CNTNAP2: variants seen among roughly 807,000 people sequenced by gnomAD.
CNTNAP2 encodes the protein contactin associated protein 2.
In CNTNAP2, 98 loss-of-function variants were observed where a neutral mutation model predicts 155.2. That is an observed-to-expected ratio of 0.63 (90% CI 0.54 to 0.75). CNTNAP2 has a LOEUF of 0.75. Ranked by LOEUF, CNTNAP2 falls within the 30% of genes least tolerant of loss-of-function variation. CNTNAP2 has a pLI of 0.00. For missense variants in CNTNAP2, 1,727 were observed against 1,688.1 expected (o/e 1.02, Z -0.40); for synonymous variants, 651 against 631.2 (o/e 1.03, Z -0.47).
chr7:146,263,278 GAA>G (rs200626668), intron 1 of CNTNAP2, among the ~76,000 whole-genome samples: 2,800 of 144,954 alleles, frequency 0.019, 111 homozygotes, highest in African/African-American at 0.076. Context: ...AGGGAGGGAG[GAA>G]GGAAGGAAGG....
At chr7:147,825,604 T>C (rs1798434014) in intron 13 of CNTNAP2, among the ~76,000 whole-genome samples, 1 of 152,180 alleles carries the variant, frequency 6.6e-6, no homozygotes, top group Non-Finnish European at 1.5e-5. Context: ...GACATAACAT[T>C]TCTGTTGAGA....
chr7:148,111,289 A>T (rs967029655), intron 15 of CNTNAP2, among the ~76,000 whole-genome samples: 10 of 152,238 alleles, frequency 6.6e-5, no homozygotes, highest in African/African-American at 2.4e-4. Context: ...GAGAAAGCAG[A>T]AGAAAACTTT....
chr7:147,408,535 C>T (rs948381057), intron 10 of CNTNAP2, among the ~76,000 whole-genome samples: 19 of 152,202 alleles, frequency 1.2e-4, no homozygotes, highest in South Asian at 6.2e-4. Flanking sequence ...CTGACGCGGG[C>T]GGATCACGAG....
At chr7:147,037,484 G>A (rs1799176691) in intron 3 of CNTNAP2, among the ~76,000 whole-genome samples, 1 of 134,196 alleles carries the variant, frequency 7.5e-6, no homozygotes, top group Non-Finnish European at 1.6e-5. Flanking sequence ...TTATTGAGAT[G>A]GAGTTTCGCT....
At chr7:148,375,439 A>G (rs2116647485) in intron 21 of CNTNAP2, among the ~76,000 whole-genome samples, 1 of 150,254 alleles carries the variant, frequency 6.7e-6, no homozygotes, top group South Asian at 2.1e-4. Context: ...GGCTCACTGC[A>G]ACCTCTGCCT....
intron 13 of CNTNAP2, among the ~76,000 whole-genome samples, chr7:147,737,713 A>T (rs916060206): frequency 1.3e-5 from 2 of 152,146 alleles, no homozygotes; most frequent in Non-Finnish European, 2.9e-5. Flanking sequence ...AAGCCTCAGC[A>T]ATGGCGGGCA....
Position 148,135,973 on chromosome 7 carries a change from G to GAGGAAGGAAGGA in CNTNAP2, c.2555-11482_2555-11471dup, listed in dbSNP as rs1186076177. Among the ~76,000 whole-genome samples the GAGGAAGGAAGGA allele has an allele frequency of 1.2e-3, 49 of 40,176 alleles. 1 individual carries two copies. The highest frequency in any genetic ancestry group is 3.6e-3 in the African/African-American group (25 of 6,908). The allele number at this position is 40,176 out of a possible 152,430, so 26.4% of individuals were successfully genotyped here. ...AAACAAACCACATTGGGAAGAGAGG[G>GAGGAAGGAAGGA]AGGAAGGAAGGAAGGAAGGAAGGAA... On this transcript the variant is annotated intron_variant, in intron 16 of 23. Coordinates refer to ENST00000361727, the MANE Select transcript of CNTNAP2 (RefSeq NM_014141.6).
intron 21 of CNTNAP2, among the ~76,000 whole-genome samples, chr7:148,284,898 C>G (rs1797054006): frequency 6.6e-6 from 1 of 152,176 alleles, no homozygotes; most frequent in African/African-American, 2.4e-5. Flanking sequence ...GCAGATTTGG[C>G]CCAATAAGTC....
chr7:147,639,986 A>C lies in CNTNAP2; in HGVS notation c.2098+680A>C, dbSNP rs1280831804. On this transcript the variant is annotated intron_variant, in intron 13 of 23. Transcript: ENST00000361727. Reference sequence around the variant, plus strand: ...AGTAAATTCGAGATGTTGTCAGAAAACTGCATCTCTGTGTCTGTAGTAAAA... The same window carrying C: ...AGTAAATTCGAGATGTTGTCAGAAACCTGCATCTCTGTGTCTGTAGTAAAA... 2.6e-5 allele frequency among the ~76,000 whole-genome samples: 4 copies of C among 152,282 alleles called. No individual in the cohort carries two copies. In the East Asian group the frequency reaches 7.7e-4, roughly 29 times the overall value.
intron 10 of CNTNAP2, among the ~76,000 whole-genome samples, chr7:147,434,696 A>T (rs1448519928): frequency 1.3e-5 from 2 of 152,242 alleles, no homozygotes; most frequent in East Asian, 3.8e-4. Context: ...AGAGTGGACT[A>T]AAAGTAAGTT....
At chr7:147,112,698 C>T (rs1362920603) in intron 5 of CNTNAP2, among the ~76,000 whole-genome samples, 4 of 152,166 alleles carry the variant, frequency 2.6e-5, no homozygotes, top group Non-Finnish European at 5.9e-5. Context: ...GTTGAACCAA[C>T]CCTACATCTC....
At chr7:146,495,977 T>A (rs182022244) in intron 1 of CNTNAP2, among the ~76,000 whole-genome samples, 44 of 152,276 alleles carry the variant, frequency 2.9e-4, no homozygotes, top group Non-Finnish European at 4.7e-4. Flanking sequence ...GGACGGATTG[T>A]GGAGTGAGGC....
intron 1 of CNTNAP2, among the ~76,000 whole-genome samples, chr7:146,401,498 A>C (rs1795713219): frequency 6.6e-6 from 1 of 152,156 alleles, no homozygotes; most frequent in Non-Finnish European, 1.5e-5. Flanking sequence ...TTTGACATTT[A>C]TTTGATACCC....
intron 13 of CNTNAP2, among the ~76,000 whole-genome samples, chr7:147,892,551 T>C (rs1554446243): frequency 6.6e-6 from 1 of 152,188 alleles, no homozygotes; most frequent in South Asian, 2.1e-4. Flanking sequence ...TATTCTTTAA[T>C]ACTGCTCAGA....
intron 14 of CNTNAP2, among the ~76,000 whole-genome samples, chr7:147,928,130 T>C (rs1192510952): frequency 1.3e-5 from 2 of 152,200 alleles, no homozygotes; most frequent in East Asian, 1.9e-4. Flanking sequence ...CCTGCCACCA[T>C]GTAAGATGTG....
At chr7:148,252,427 T>C (rs902263850) in intron 20 of CNTNAP2, among the ~76,000 whole-genome samples, 4 of 152,164 alleles carry the variant, frequency 2.6e-5, no homozygotes, top group Non-Finnish European at 2.9e-5. Flanking sequence ...CCCTGGGATT[T>C]CCAAGGGTTC....
intron 13 of CNTNAP2, among the ~76,000 whole-genome samples, chr7:147,819,666 C>A (rs1452571771): frequency 6.6e-6 from 1 of 152,116 alleles, no homozygotes; most frequent in East Asian, 1.9e-4. Context: ...TTTCATCAAC[C>A]TAGAAAATTC....
intron 1 of CNTNAP2, among the ~76,000 whole-genome samples, chr7:146,770,745 C>G (rs1354588284): frequency 6.6e-6 from 1 of 151,688 alleles, no homozygotes. Flanking sequence ...GTTACAGAAG[C>G]CAATTTGTTT....
chr7:147,849,259 C>G (rs542559193), intron 13 of CNTNAP2, among the ~76,000 whole-genome samples: 1 of 152,240 alleles, frequency 6.6e-6, no homozygotes, highest in Non-Finnish European at 1.5e-5. Context: ...AAGTAAATGA[C>G]CATGTGTTTC....
Sources: gnomAD v4.1 joint callset for allele counts (sites outside exome capture counted in the v4.1 genomes callset) on GRCh38, gnomAD v4.1.1 for gene constraint, MANE v1.5 for transcripts, NCBI Gene and HGNC (gene_info 2026-07-23, HGNC 2026-07-21) for gene names.